Variants in EPHA7 observed in about 807,000 individuals in gnomAD.
EPHA7 encodes the protein ephrin type-A receptor 7.
In EPHA7, 25 loss-of-function variants were observed where a neutral mutation model predicts 112.6. The ratio of observed to expected loss-of-function variants is 0.22; its 90% CI spans 0.16 to 0.31. The LOEUF (loss-of-function observed/expected upper bound fraction) is 0.31. EPHA7 is among the 10% of genes least tolerant of loss of function. EPHA7 has a pLI of 1.00. For synonymous variants in EPHA7, 437 were observed against 406.5 expected, an observed-to-expected ratio of 1.07 and a Z score of -0.90; for missense variants, 962 against 1,212.6, an observed-to-expected ratio of 0.79 and a Z score of 3.07.
intron 5 of EPHA7, among the ~76,000 whole-genome samples, chr6:93,322,471 G>T (rs983759109): frequency 4.6e-5 from 7 of 151,402 alleles, no homozygotes; most frequent in Non-Finnish European, 7.4e-5. Flanking sequence ...TTCATAGAGG[G>T]GTGCTTTTCT....
chr6:93,286,472 T>G (rs112168396), intron 5 of EPHA7, among the ~76,000 whole-genome samples: 3 of 152,158 alleles, frequency 2.0e-5, no homozygotes, highest in African/African-American at 7.2e-5. Context: ...ATATGGTAAA[T>G]AAGAAGAAAG....
chr6:93,332,295 TA>T (rs1176030356), intron 5 of EPHA7, among the ~76,000 whole-genome samples: 4 of 151,566 alleles, frequency 2.6e-5, no homozygotes, highest in Non-Finnish European at 5.9e-5. Flanking sequence ...AATAATTTGA[TA>T]AAAATGTTAA....
At chr6:93,355,828 T>C (rs1386888299) in intron 5 of EPHA7, among the ~76,000 whole-genome samples, 2 of 152,198 alleles carry the variant, frequency 1.3e-5, no homozygotes, top group East Asian at 3.8e-4. Context: ...TGCACTATTA[T>C]CATGGTTATG....
In EPHA7 at chr6:93,343,765, A is replaced by G. The variant is rs558980947; in HGVS notation, c.1324+12952T>C. ...ATTTCATCCTTGGATTGAAGAAAAT[A>G]ATGAAACATCAAAGTAGGCAGGCAG... On this transcript the variant is annotated intron_variant, in intron 5 of 16. Coordinates refer to ENST00000369303, the MANE Select transcript of EPHA7 (RefSeq NM_004440.4). 1.4e-4 allele frequency among the ~76,000 whole-genome samples: 21 copies of G among 151,832 alleles called. No homozygotes were observed. In the East Asian group the frequency reaches 4.1e-3, roughly 29 times the overall value.
intron 5 of EPHA7, among the ~76,000 whole-genome samples, chr6:93,314,808 T>G (rs2127871834): frequency 6.6e-6 from 1 of 151,930 alleles, no homozygotes; most frequent in Non-Finnish European, 1.5e-5. Context: ...ACTATGATAT[T>G]TATATATTAA....
At chr6:93,367,443 C>T (rs1253619439) in intron 3 of EPHA7, among the ~76,000 whole-genome samples, 5 of 151,860 alleles carry the variant, frequency 3.3e-5, no homozygotes, top group Non-Finnish European at 5.9e-5. Context: ...AGTGATAATT[C>T]CCCTTTTTAA....
At chr6:93,270,887 T>TA (rs1771184299) in intron 6 of EPHA7, among the ~76,000 whole-genome samples, 3 of 151,848 alleles carry the variant, frequency 2.0e-5, no homozygotes, top group African/African-American at 7.2e-5. Flanking sequence ...TTATTGTCTT[T>TA]TAGTTGCCTA....
At position 93,263,850 on chromosome 6, in the gene EPHA7, A is replaced by G; in HGVS notation, c.1798+10T>C. ...GGGTACATCATAATAAAGAAAAGCC[A>G]AACACTTACAATGAAAGTAAAGCTC... On this transcript the variant is annotated intron_variant, in intron 9 of 16. Transcript: ENST00000369303. 6.2e-7 allele frequency: 1 copy of G among 1,608,234 alleles called. No individual in the cohort carries two copies. Among genetic ancestry groups the G allele is most frequent in the Non-Finnish European group, 8.5e-7 (1 of 1,176,304 alleles).
Position 93,356,785 on chromosome 6 carries a change from T to C in EPHA7, c.1256A>G (p.Asn419Ser), listed in dbSNP as rs1327337269. ...GGATCGGCTTAAGTCAGAAACTCCA[T>C]TTACAGCTTCAACTTCAAAAGTATA... Reference protein sequence around the residue: ...ANYTFEVEAVNGVSDLSRSQR... With the variant: ...ANYTFEVEAVSGVSDLSRSQR... Residue 419 changes from asparagine (N) to serine (S), a missense_variant, in exon 5 of 17, where the codon AAT becomes AGT. This residue lies in a region of EPHA7 where 746 missense variants were observed against 889.2 expected (regional missense o/e 0.84). Coordinates refer to ENST00000369303, the MANE Select transcript of EPHA7 (RefSeq NM_004440.4). 14 of 1,614,132 alleles carry C rather than the reference T, an allele frequency of 8.7e-6. No homozygotes were observed. Among genetic ancestry groups the C allele is most frequent in the Non-Finnish European group, 1.2e-5 (14 of 1,179,984 alleles).
intron 3 of EPHA7, among the ~76,000 whole-genome samples, chr6:93,367,458 C>T (rs553250392): frequency 7.9e-5 from 12 of 152,184 alleles, no homozygotes; most frequent in Admixed American, 2.0e-4. Flanking sequence ...TTTTAAGTAA[C>T]ATTACATTTG....
At chr6:93,387,654 G>A (rs1251241098) in intron 3 of EPHA7, among the ~76,000 whole-genome samples, 1 of 152,080 alleles carries the variant, frequency 6.6e-6, no homozygotes, top group Non-Finnish European at 1.5e-5. Context: ...AGCTGGGGAG[G>A]CCTCAGTAAA....
chr6:93,271,527 AGTCT>A (rs1404100156), intron 6 of EPHA7, among the ~76,000 whole-genome samples: 6 of 151,878 alleles, frequency 4.0e-5, no homozygotes, highest in African/African-American at 1.4e-4. Context: ...CCTTGCACTG[AGTCT>A]GTCTGTGAGG....
chr6:93,346,862 T>G (rs994213542), intron 5 of EPHA7, among the ~76,000 whole-genome samples: 2 of 151,822 alleles, frequency 1.3e-5, no homozygotes, highest in Non-Finnish European at 2.9e-5. Context: ...GCTTACAAAC[T>G]TCTTTACTCT....
chr6:93,357,335 CTT>C (rs1776000455), intron 4 of EPHA7, among the ~76,000 whole-genome samples: 1 of 152,098 alleles, frequency 6.6e-6, no homozygotes, highest in African/African-American at 2.4e-5. Context: ...TTGCCACAGT[CTT>C]TAACTATTTT....
intron 16 of EPHA7, among the ~76,000 whole-genome samples, chr6:93,244,827 GTT>G (rs1028072577): frequency 1.3e-5 from 2 of 152,078 alleles, no homozygotes; most frequent in Non-Finnish European, 2.9e-5. Context: ...TGAGTATAAA[GTT>G]TTGAAATTAT....
chr6:93,283,909 A>G lies in EPHA7; in HGVS notation c.1325-11487T>C, dbSNP rs375136010. Among the ~76,000 whole-genome samples the G allele has an allele frequency of 2.8e-4, 43 of 152,344 alleles. 2 individuals are homozygous for G. The highest frequency in any genetic ancestry group is 9.9e-4 in the African/African-American group (41 of 41,582). On this transcript the variant is annotated intron_variant, in intron 5 of 16. Transcript: ENST00000369303. ...AATATGCATCTACTAATTACTATAA[A>G]TACAATTTAAAGTTTTGGAAATCAC...
At chr6:93,339,016 C>T (rs1335153240) in intron 5 of EPHA7, among the ~76,000 whole-genome samples, 4 of 149,822 alleles carry the variant, frequency 2.7e-5, no homozygotes, top group Admixed American at 6.7e-5. Flanking sequence ...CATATAATAC[C>T]GTAGGATACC....
intron 1 of EPHA7, among the ~76,000 whole-genome samples, chr6:93,418,188 T>A (rs1421799136): frequency 6.6e-6 from 1 of 151,698 alleles, no homozygotes; most frequent in Non-Finnish European, 1.5e-5. Context: ...GGGTTGGGGA[T>A]GGGATTGTGA....
intron 5 of EPHA7, among the ~76,000 whole-genome samples, chr6:93,335,862 C>T (rs1304246357): frequency 6.6e-6 from 1 of 152,006 alleles, no homozygotes; most frequent in Non-Finnish European, 1.5e-5. Context: ...ATTCAAATCA[C>T]ACATAGTGAA....
Sources: allele counts gnomAD v4.1 joint callset (sites outside exome capture counted in the v4.1 genomes callset), GRCh38; gene constraint gnomAD v4.1.1; regional missense constraint gnomAD v4.1.1; transcripts MANE v1.5; gene names NCBI Gene and HGNC (gene_info 2026-07-23, HGNC 2026-07-21).